The following NFIB variants were observed in gnomAD, a reference collection of about 807,000 sequenced individuals.
NFIB encodes nuclear factor I B.
NFIB carries 11 observed loss-of-function variants against 61.5 expected under a neutral mutation model. That is an observed-to-expected ratio of 0.18 (90% CI 0.11 to 0.30). The LOEUF (loss-of-function observed/expected upper bound fraction) is 0.30, where lower values mean the gene tolerates loss of function less well. NFIB is among the 10% of genes least tolerant of loss of function. The probability of loss-of-function intolerance (pLI) is 1.00; values close to 1 mark genes in which losing one functional copy is unlikely to be tolerated. For missense variants in NFIB, 471 were observed against 608.9 expected (o/e 0.77, Z 2.38); for synonymous variants, 260 against 216.5 (o/e 1.20, Z -1.76).
the NFIB span, among the ~76,000 whole-genome samples, chr9:14,443,216 CTGAA>C: frequency 6.6e-6 from 1 of 152,060 alleles, no homozygotes; most frequent in Non-Finnish European, 1.5e-5. Flanking sequence ...TGTGTGTCAT[CTGAA>C]TGATCATCTC....
At chr9:14,220,843 A>ACACCCACC (rs1554677584) in intron 2 of NFIB, among the ~76,000 whole-genome samples, 1 of 12,390 alleles carries the variant, frequency 8.1e-5, no homozygotes, top group East Asian at 4.2e-4. Flanking sequence ...CAATCTCCCT[A>ACACCCACC]CACACACACA....
At chr9:14,223,708 T>C (rs2052004443) in intron 2 of NFIB, among the ~76,000 whole-genome samples, 1 of 152,192 alleles carries the variant, frequency 6.6e-6, no homozygotes, top group Non-Finnish European at 1.5e-5. Context: ...GAGGCCAATC[T>C]AATTTCAAGG....
Position 14,346,295 on chromosome 9 carries a change from C to G in NFIB, c.109-38775G>C, listed in dbSNP as rs937888124. ...AGTCACACGAGGTAACCGACACCCC[C>G]CCCCCGTAACCTGAGCTAAAGGTAA... On this transcript the variant is annotated intron_variant, in intron 1 of 8. Transcript: ENST00000380934. 8.5e-5 allele frequency among the ~76,000 whole-genome samples: 12 copies of G among 141,360 alleles called. 2 individuals are homozygous for G. Among genetic ancestry groups the G allele is most frequent in the Admixed American group, 6.9e-4 (10 of 14,402 alleles). 92.7% of individuals were successfully genotyped at this position (141,360 alleles called of 152,430 possible).
At chr9:14,398,631 T>C (rs1041889853) in exon 1 of NFIB, 7 of 1,527,118 alleles carry the variant, frequency 4.6e-6, no homozygotes, top group African/African-American at 4.2e-5. Flanking sequence ...ATTCTTTCCA[T>C]ACTCCGAACG....
intron 2 of NFIB, among the ~76,000 whole-genome samples, chr9:14,271,524 T>G (rs745986434): frequency 6.6e-6 from 1 of 152,034 alleles, no homozygotes; most frequent in Non-Finnish European, 1.5e-5. Flanking sequence ...TTGTCACATG[T>G]AGGAATAAAC....
At chr9:14,338,521 G>C (rs181194946) in intron 1 of NFIB, among the ~76,000 whole-genome samples, 1 of 152,196 alleles carries the variant, frequency 6.6e-6, no homozygotes, top group Non-Finnish European at 1.5e-5. Context: ...CATAGCTAGT[G>C]ACCTAACATC....
chr9:14,147,383 G>A (rs2131119921), intron 5 of NFIB, among the ~76,000 whole-genome samples: 1 of 152,144 alleles, frequency 6.6e-6, no homozygotes, highest in Middle Eastern at 3.4e-3. Context: ...GCAGACGGTT[G>A]GAAGAGTAAA....
chr9:14,158,400 T>C (rs151127436), intron 3 of NFIB, among the ~76,000 whole-genome samples: 33 of 152,328 alleles, frequency 2.2e-4, no homozygotes, highest in African/African-American at 7.9e-4. Context: ...CTCCTTCCTC[T>C]GTACTTGTAT....
chr9:14,127,830 C>T (rs936616693), intron 6 of NFIB, among the ~76,000 whole-genome samples: 2 of 151,364 alleles, frequency 1.3e-5, no homozygotes, highest in African/African-American at 4.9e-5. Flanking sequence ...ACAAAAAATG[C>T]CAGGCGGATT....
chr9:14,101,570 A>T (rs1373148137), intron 10 of NFIB, among the ~76,000 whole-genome samples: 1 of 152,156 alleles, frequency 6.6e-6, no homozygotes, highest in Non-Finnish European at 1.5e-5. Flanking sequence ...TATCTGGTGA[A>T]CTCCTTCTGG....
intron 1 of NFIB, among the ~76,000 whole-genome samples, chr9:14,371,194 T>C (rs2061355017): frequency 6.6e-6 from 1 of 152,252 alleles, no homozygotes; most frequent in South Asian, 2.1e-4. Context: ...AACCTTTTCT[T>C]ATAGCTATGC....
the NFIB span, among the ~76,000 whole-genome samples, chr9:14,431,307 T>A: frequency 6.6e-6 from 1 of 152,288 alleles, no homozygotes; most frequent in Middle Eastern, 3.4e-3. Flanking sequence ...GGCCACTCAG[T>A]AGATCCTGAC....
the NFIB span, among the ~76,000 whole-genome samples, chr9:14,481,418 A>T: frequency 6.6e-6 from 1 of 150,868 alleles, no homozygotes; most frequent in African/African-American, 2.4e-5. Context: ...ATTATCTCCC[A>T]AAAAAACCTC....
chr9:14,245,848 G>C (rs1260540044), intron 2 of NFIB, among the ~76,000 whole-genome samples: 1 of 152,046 alleles, frequency 6.6e-6, no homozygotes, highest in Non-Finnish European at 1.5e-5. Flanking sequence ...ACCCCAGCCT[G>C]GGTGACAGAG....
At chr9:14,128,412 T>C (rs1381739706) in intron 6 of NFIB, among the ~76,000 whole-genome samples, 1 of 152,160 alleles carries the variant, frequency 6.6e-6, no homozygotes, top group African/African-American at 2.4e-5. Flanking sequence ...TTTAAAATAA[T>C]TTAGGCCGGG....
chr9:14,204,468 T>C, intron 2 of NFIB: 1 of 1,038,692 alleles, frequency 9.6e-7, no homozygotes. Flanking sequence ...TATAAGCGAC[T>C]GAAAATGCCT....
At chr9:14,447,003 T>C in the NFIB span, among the ~76,000 whole-genome samples, 84 of 152,278 alleles carry the variant, frequency 5.5e-4, no homozygotes, top group African/African-American at 2.0e-3. Context: ...TCTATATTTA[T>C]GCAGAACCAA....
chr9:14,203,402 G>T, intron 2 of NFIB, among the ~76,000 whole-genome samples: 1 of 152,204 alleles, frequency 6.6e-6, no homozygotes, highest in East Asian at 1.9e-4. Context: ...AAAGTGGGTG[G>T]AGAAGGCTGC....
the NFIB span, among the ~76,000 whole-genome samples, chr9:14,456,717 G>A: frequency 6.6e-6 from 1 of 152,090 alleles, no homozygotes; most frequent in Non-Finnish European, 1.5e-5. Flanking sequence ...CATTATGTTG[G>A]CAAATGGAAG....
Sources: gnomAD v4.1 joint callset for allele counts (sites outside exome capture counted in the v4.1 genomes callset) on GRCh38, gnomAD v4.1.1 for gene constraint, MANE v1.5 for transcripts, NCBI Gene and HGNC (gene_info 2026-07-23, HGNC 2026-07-21) for gene names.